Variants in APBB2 observed in about 807,000 individuals in gnomAD.
APBB2 encodes the protein amyloid beta precursor protein binding family B member 2, also known as Fe65-like 1.
Under a neutral mutation model 82.5 loss-of-function variants are expected in APBB2, and 38 were observed. The observed-to-expected ratio is 0.46, with a 90% CI of 0.36 to 0.60. The LOEUF (loss-of-function observed/expected upper bound fraction) is 0.60. Among genes scored for constraint, APBB2 ranks in the 20% least tolerant of loss-of-function variants. APBB2 has a pLI of 0.00. For missense variants in APBB2, 772 were observed against 972.3 expected (o/e 0.79, Z 2.74); for synonymous variants, 341 against 368.2 (o/e 0.93, Z 0.85).
chr4:40,829,011 T>C (rs1005060453), intron 13 of APBB2, among the ~76,000 whole-genome samples: 1 of 152,190 alleles, frequency 6.6e-6, no homozygotes, highest in Non-Finnish European at 1.5e-5. Flanking sequence ...GATGTCAGCC[T>C]GAATCAGAAA....
In APBB2 at chr4:40,888,349, A is replaced by T. The variant is rs116823002; in HGVS notation, c.1529+2015T>A. ...GCATGTGGCCTCACTTTAAAGAGTT[A>T]GGGTAAGCTGAAAACCTCATCAATA... On this transcript the variant is annotated intron_variant, in intron 12 of 17. Coordinates refer to ENST00000508593, the MANE Select transcript of APBB2 (RefSeq NM_004307.2). Among the ~76,000 whole-genome samples the T allele has an allele frequency of 2.6e-3, 394 of 152,368 alleles. 1 individual carries two copies. Among genetic ancestry groups the T allele is most frequent in the African/African-American group, 9.2e-3 (381 of 41,584 alleles).
At chr4:40,966,978 C>T (rs1001875549) in intron 6 of APBB2, among the ~76,000 whole-genome samples, 1 of 152,142 alleles carries the variant, frequency 6.6e-6, no homozygotes, top group African/African-American at 2.4e-5. Flanking sequence ...ATTTATGGTG[C>T]TTTTTTAGGC....
At chr4:40,871,007 CAT>C (rs35954768) in intron 12 of APBB2, among the ~76,000 whole-genome samples, 127,778 of 151,590 alleles carry the variant, frequency 0.84, 54,031 homozygotes, top group Non-Finnish European at 0.87. Context: ...CCCAGCCATA[CAT>C]ATATATATAT....
At chr4:41,162,599 A>T (rs1765460340) in intron 1 of APBB2, among the ~76,000 whole-genome samples, 2 of 152,204 alleles carry the variant, frequency 1.3e-5, no homozygotes, top group Admixed American at 6.5e-5. Context: ...CCTGCCTGTA[A>T]TCCTAGTACT....
chr4:40,990,285 T>TTC (rs142954247), intron 6 of APBB2: 2 of 57,122 alleles, frequency 3.5e-5, no homozygotes, highest in East Asian at 7.4e-4. Context: ...TCTCTCTTTC[T>TTC]TCTCTCTCCC....
intron 12 of APBB2, among the ~76,000 whole-genome samples, chr4:40,865,910 A>C (rs1474838769): frequency 3.3e-5 from 5 of 152,256 alleles, no homozygotes; most frequent in Non-Finnish European, 4.4e-5. Flanking sequence ...ATGCTAAAAT[A>C]ACCACCACCA....
intron 7 of APBB2, among the ~76,000 whole-genome samples, chr4:40,942,012 C>A (rs939754554): frequency 6.6e-6 from 1 of 152,152 alleles, no homozygotes; most frequent in Non-Finnish European, 1.5e-5. Context: ...CTTAGTGCCT[C>A]TGGTTTAATA....
In APBB2 at chr4:40,830,933, A is replaced by C. The variant is rs564193375; in HGVS notation, c.1530-356T>G. On this transcript the variant is annotated intron_variant, in intron 12 of 17. Coordinates refer to ENST00000508593, the MANE Select transcript of APBB2 (RefSeq NM_004307.2). ...CAAAAAAAACCAAAACCAAAAAAAA[A>C]CAAAAAACAAACAAAAAATGCCAGG... 3.3e-5 allele frequency among the ~76,000 whole-genome samples: 5 copies of C among 152,244 alleles called. No individual in the cohort carries two copies. The South Asian group carries it at 1.0e-3, about 32-fold the overall frequency.
At chr4:41,124,312 G>A (rs1053689118) in intron 2 of APBB2, among the ~76,000 whole-genome samples, 4 of 152,046 alleles carry the variant, frequency 2.6e-5, no homozygotes, top group East Asian at 1.9e-4. Flanking sequence ...TCCGCCTCCC[G>A]CATTCACGCC....
At chr4:40,907,336 TTTAATATATTACA>T (rs1429169521) in intron 10 of APBB2, among the ~76,000 whole-genome samples, 3 of 142,468 alleles carry the variant, frequency 2.1e-5, no homozygotes, top group Admixed American at 7.2e-5. Context: ...TTTAATTTAA[TTTAATATATTACA>T]TATATATATA....
At chr4:40,905,624 CACGAAGCAA>C (rs1776500421) in intron 10 of APBB2, among the ~76,000 whole-genome samples, 1 of 152,160 alleles carries the variant, frequency 6.6e-6, no homozygotes, top group East Asian at 1.9e-4. Context: ...GCAGACTTGC[CACGAAGCAA>C]CCTTGAGAAA....
rs534950940 is a variant in APBB2, at chr4:40,880,224, T to G, written c.1529+10140A>C. 1.4e-5 allele frequency: 14 copies of G among 985,314 alleles called. No homozygotes were observed. In the African/African-American group the frequency reaches 2.1e-4, roughly 15 times the overall value. The allele number at this position is 985,314 out of a possible 1,614,324, so 61.0% of individuals were successfully genotyped here. ...ATTCCTACTCCAGTGTTCCTTCTCT[T>G]GACCTACTCTAGCTCTCAAAAACTC... On this transcript the variant is annotated intron_variant, in intron 12 of 17. Transcript: ENST00000508593.
At chr4:40,922,096 T>C (rs1578449209) in intron 10 of APBB2, among the ~76,000 whole-genome samples, 2 of 152,334 alleles carry the variant, frequency 1.3e-5, no homozygotes, top group South Asian at 2.1e-4. Flanking sequence ...ATCATTAGTC[T>C]GAGGGTCTCC....
At chr4:40,883,534 C>T (rs1230794202) in intron 12 of APBB2, among the ~76,000 whole-genome samples, 1 of 152,092 alleles carries the variant, frequency 6.6e-6, no homozygotes, top group Non-Finnish European at 1.5e-5. Flanking sequence ...TTGCAGTGAG[C>T]CGAGATCATG....
At chr4:41,203,907 T>G (rs1289723078) in intron 1 of APBB2, among the ~76,000 whole-genome samples, 1 of 152,238 alleles carries the variant, frequency 6.6e-6, no homozygotes, top group East Asian at 1.9e-4. Context: ...CAAACACTTT[T>G]ACTCTATATT....
intron 3 of APBB2, among the ~76,000 whole-genome samples, chr4:41,082,540 T>C (rs1407148617): frequency 6.6e-6 from 1 of 151,738 alleles, no homozygotes; most frequent in Non-Finnish European, 1.5e-5. Flanking sequence ...AAAACACAGT[T>C]CAGGAGGCTT....
chr4:40,888,733 GCTC>G (rs746397241), intron 12 of APBB2, among the ~76,000 whole-genome samples: 36 of 150,788 alleles, frequency 2.4e-4, no homozygotes, highest in Middle Eastern at 3.3e-3. Flanking sequence ...CCACACTTTG[GCTC>G]CTGCCTCGCA....
chr4:40,833,431 C>T (rs971903792), intron 12 of APBB2, among the ~76,000 whole-genome samples: 3 of 152,206 alleles, frequency 2.0e-5, no homozygotes, highest in Non-Finnish European at 2.9e-5. Context: ...CCCACACTGT[C>T]CAGCGCACGC....
chr4:41,086,083 A>G (rs1172513362), intron 3 of APBB2, among the ~76,000 whole-genome samples: 1 of 152,180 alleles, frequency 6.6e-6, no homozygotes, highest in Non-Finnish European at 1.5e-5. Context: ...TATGAAAAGA[A>G]CAAATTCCTA....
Sources: gnomAD v4.1 joint callset for allele counts (sites outside exome capture counted in the v4.1 genomes callset) on GRCh38, gnomAD v4.1.1 for gene constraint, MANE v1.5 for transcripts, NCBI Gene and HGNC (gene_info 2026-07-23, HGNC 2026-07-21) for gene names.